The following DMXL2 variants were observed in gnomAD, a reference collection of about 807,000 sequenced individuals.
DMXL2 encodes dmX-like protein 2.
Under a neutral mutation model 331.1 loss-of-function variants are expected in DMXL2, and 103 were observed. That is an observed-to-expected ratio of 0.31 (90% CI 0.27 to 0.37). The LOEUF (loss-of-function observed/expected upper bound fraction) is 0.37. DMXL2 is among the 10% of genes least tolerant of loss of function. The probability of loss-of-function intolerance (pLI) is 1.00; values close to 1 mark genes in which losing one functional copy is unlikely to be tolerated. For synonymous variants in DMXL2, 1,281 were observed against 1,252.1 expected (o/e 1.02, Z -0.49); for missense variants, 3,171 against 3,642.9 (o/e 0.87, Z 3.33).
intron 33 of DMXL2, chr15:51,460,326 C>T: frequency 1.0e-5 from 10 of 985,396 alleles, no homozygotes; most frequent in Non-Finnish European, 1.2e-5. Flanking sequence ...TCACGAAGGG[C>T]CATTCAAATT....
intron 33 of DMXL2, chr15:51,459,906 A>G (rs1390318648): frequency 2.7e-6 from 3 of 1,125,464 alleles, no homozygotes; most frequent in Non-Finnish European, 3.3e-6. Flanking sequence ...TCAAAATAAA[A>G]ATTAGTTATC....
intron 17 of DMXL2, among the ~76,000 whole-genome samples, chr15:51,502,531 C>A (rs1331763847): frequency 6.6e-6 from 1 of 152,094 alleles, no homozygotes; most frequent in Non-Finnish European, 1.5e-5. Context: ...CCATGTTAGC[C>A]AGGGTGGTCT....
intron 2 of DMXL2, among the ~76,000 whole-genome samples, chr15:51,571,737 A>G (rs896662050): frequency 1.3e-5 from 2 of 152,222 alleles, no homozygotes; most frequent in Non-Finnish European, 2.9e-5. Context: ...TCTGAAACCA[A>G]TGAGAACAAA....
chr15:51,525,180 C>A (rs1342726605), intron 13 of DMXL2, among the ~76,000 whole-genome samples: 2 of 151,822 alleles, frequency 1.3e-5, no homozygotes, highest in East Asian at 3.9e-4. Flanking sequence ...AGGGGAAAGA[C>A]CCCTGGCAGG....
intron 13 of DMXL2, among the ~76,000 whole-genome samples, chr15:51,523,029 A>G (rs147694570): frequency 5.7e-4 from 87 of 152,238 alleles, no homozygotes; most frequent in African/African-American, 2.0e-3. Context: ...CCCTCTACCT[A>G]CAGAACAATA....
chr15:51,523,358 A>G (rs2047484990), intron 13 of DMXL2, among the ~76,000 whole-genome samples: 1 of 152,258 alleles, frequency 6.6e-6, no homozygotes, highest in African/African-American at 2.4e-5. Flanking sequence ...TGGGGGTCTC[A>G]AAGTCAAAAT....
chr15:51,464,392 C>G (rs1344220724), intron 32 of DMXL2, among the ~76,000 whole-genome samples: 2 of 152,148 alleles, frequency 1.3e-5, no homozygotes, highest in Non-Finnish European at 2.9e-5. Context: ...AGAGTGAGAC[C>G]TTGTCTCTTG....
intron 22 of DMXL2, 36 bp downstream of exon 22, chr15:51,487,918 T>G: frequency 1.3e-6 from 2 of 1,483,478 alleles, no homozygotes; most frequent in African/African-American, 2.9e-5. Context: ...TTTCAATCTT[T>G]TACAAGTATT....
At chr15:51,491,804 C>T in intron 19 of DMXL2, 57 bp from the exon 20 acceptor site, 1 of 1,471,738 alleles carries the variant, frequency 6.8e-7, no homozygotes, top group Non-Finnish European at 9.1e-7. Context: ...AGAAGAAAAA[C>T]AATTTTTCAT....
intron 2 of DMXL2, among the ~76,000 whole-genome samples, chr15:51,569,399 G>A (rs2050510214): frequency 6.6e-6 from 1 of 152,254 alleles, no homozygotes; most frequent in East Asian, 1.9e-4. Context: ...TGCAGGCACA[G>A]CTTCAGCAGA....
At position 51,466,321 on chromosome 15, in the gene DMXL2, A is replaced by G; in HGVS notation, c.7393-10T>C. On this transcript the variant is annotated splice_polypyrimidine_tract_variant and intron_variant, in intron 29 of 43. Coordinates refer to ENST00000560891, the MANE Select transcript of DMXL2 (RefSeq NM_001378457.1). ...ACAAAGGAAGAAATGGCTGCAATAA[A>G]AGGTAAAATTATTTTTTTAAAGATT... 7.8e-7 allele frequency: 1 copy of G among 1,288,974 alleles called. No homozygotes were observed. The highest frequency in any genetic ancestry group is 2.2e-5 in the South Asian group (1 of 46,192). The allele number at this position is 1,288,974 out of a possible 1,614,324, so 79.8% of individuals were successfully genotyped here.
chr15:51,537,458 T>C (rs778739784), intron 11 of DMXL2, 30 bp downstream of exon 11: 1 of 1,550,412 alleles, frequency 6.4e-7, no homozygotes, highest in Non-Finnish European at 8.8e-7. Flanking sequence ...TTTTAAGAAA[T>C]GTAATAACTA....
Position 51,619,079 on chromosome 15 carries a change from G to A in DMXL2, c.87+3380C>T, listed in dbSNP as rs1290812920. 2.6e-5 allele frequency among the ~76,000 whole-genome samples: 4 copies of A among 152,072 alleles called. No individual in the cohort carries two copies. In the East Asian group the frequency reaches 7.7e-4, roughly 29 times the overall value. ...TTAATATTTTAATATGTGCAGTAAAGTTTAAAAAATAGCCAAGGACTATCT... is the reference window on the plus strand; with the variant it reads ...TTAATATTTTAATATGTGCAGTAAAATTTAAAAAATAGCCAAGGACTATCT... On this transcript the variant is annotated intron_variant, in intron 1 of 43. Coordinates refer to ENST00000560891, the MANE Select transcript of DMXL2 (RefSeq NM_001378457.1).
At chr15:51,489,964 C>A (rs1375647439) in intron 20 of DMXL2, among the ~76,000 whole-genome samples, 2 of 152,090 alleles carry the variant, frequency 1.3e-5, no homozygotes, top group African/African-American at 2.4e-5. Context: ...GAAGTAAAAT[C>A]TTTGTGGGAT....
chr15:51,595,409 A>G (rs1336509308), intron 1 of DMXL2, among the ~76,000 whole-genome samples: 2 of 152,242 alleles, frequency 1.3e-5, no homozygotes, highest in Non-Finnish European at 2.9e-5. Flanking sequence ...CCACTGCTCA[A>G]TGAAATAAAA....
At chr15:51,469,589 C>G (rs185407938) in intron 29 of DMXL2, among the ~76,000 whole-genome samples, 1 of 152,078 alleles carries the variant, frequency 6.6e-6, no homozygotes, top group Non-Finnish European at 1.5e-5. Flanking sequence ...TGCTATTTCC[C>G]TTCTTTATAA....
intron 17 of DMXL2, among the ~76,000 whole-genome samples, chr15:51,502,585 A>T (rs1271206972): frequency 6.6e-6 from 1 of 152,128 alleles, no homozygotes. Flanking sequence ...AGCCTCCCAA[A>T]GTGCTGGGAT....
chr15:51,615,167 G>A (rs1002678120), intron 1 of DMXL2, among the ~76,000 whole-genome samples: 1 of 152,156 alleles, frequency 6.6e-6, no homozygotes, highest in Non-Finnish European at 1.5e-5. Context: ...ATGTTATGAG[G>A]TCTTTGTGAT....
chr15:51,611,434 A>T (rs1356759037), intron 1 of DMXL2, among the ~76,000 whole-genome samples: 3 of 152,252 alleles, frequency 2.0e-5, no homozygotes, highest in Admixed American at 6.5e-5. Flanking sequence ...ACATTCTCAA[A>T]TCAGTAATAA....
Sources: allele counts gnomAD v4.1 joint callset (sites outside exome capture counted in the v4.1 genomes callset), GRCh38; gene constraint gnomAD v4.1.1; transcripts MANE v1.5; gene names NCBI Gene and HGNC (gene_info 2026-07-23, HGNC 2026-07-21).